The following PCDH7 variants were observed in gnomAD, a reference collection of about 807,000 sequenced individuals.
The protein encoded by PCDH7 is protocadherin-7.
A neutral mutation model predicts 58.9 loss-of-function variants in PCDH7; 17 were observed. The observed-to-expected ratio is 0.29, with a 90% CI of 0.20 to 0.43. The LOEUF (loss-of-function observed/expected upper bound fraction) is 0.43. Among genes scored for constraint, PCDH7 ranks in the 20% least tolerant of loss-of-function variants. The pLI is 1.00. For synonymous variants in PCDH7, 664 were observed against 616.4 expected (o/e 1.08, Z -1.14); for missense variants, 1,274 against 1,441.0 (o/e 0.88, Z 1.88).
intron 2 of PCDH7, among the ~76,000 whole-genome samples, chr4:30,936,173 A>G (rs1458782383): frequency 1.3e-5 from 2 of 152,044 alleles, no homozygotes; most frequent in Admixed American, 6.6e-5. Context: ...TAATTATTTT[A>G]TAGTATATTG....
At chr4:30,949,130 C>A (rs1747060558) in intron 2 of PCDH7, among the ~76,000 whole-genome samples, 1 of 152,158 alleles carries the variant, frequency 6.6e-6, no homozygotes, top group Admixed American at 6.6e-5. Context: ...AAGTCACACA[C>A]AGGAAAATTA....
intron 3 of PCDH7, among the ~76,000 whole-genome samples, chr4:31,071,429 T>C (rs1758533450): frequency 6.6e-6 from 1 of 152,056 alleles, no homozygotes; most frequent in South Asian, 2.1e-4. Context: ...TGTGTGCTTT[T>C]TTTGCAGGAG....
chr4:30,984,353 G>T (rs1388055027), intron 3 of PCDH7, among the ~76,000 whole-genome samples: 2 of 152,114 alleles, frequency 1.3e-5, no homozygotes, highest in Non-Finnish European at 2.9e-5. Flanking sequence ...GTGTTTGTTC[G>T]ACGCTTATTG....
At chr4:30,986,201 T>A (rs1750951356) in intron 3 of PCDH7, among the ~76,000 whole-genome samples, 1 of 152,192 alleles carries the variant, frequency 6.6e-6, no homozygotes, top group Non-Finnish European at 1.5e-5. Flanking sequence ...GTCTGAGACA[T>A]CTAACTTACA....
At chr4:31,085,703 G>A (rs1343516566) in intron 3 of PCDH7, among the ~76,000 whole-genome samples, 1 of 152,086 alleles carries the variant, frequency 6.6e-6, no homozygotes, top group Non-Finnish European at 1.5e-5. Flanking sequence ...ATCTCATGTA[G>A]GGTGTTTTCA....
At chr4:31,034,927 G>T (rs1208061431) in intron 3 of PCDH7, among the ~76,000 whole-genome samples, 1 of 152,200 alleles carries the variant, frequency 6.6e-6, no homozygotes, top group Non-Finnish European at 1.5e-5. Context: ...TGCATCCACA[G>T]GTTGGAAAAT....
chr4:30,748,540 T>C (rs1232433016), intron 1 of PCDH7, among the ~76,000 whole-genome samples: 1 of 152,176 alleles, frequency 6.6e-6, no homozygotes, highest in Non-Finnish European at 1.5e-5. Flanking sequence ...ACTCCTGAGA[T>C]AACTAATCCA....
chr4:30,776,589 C>A (rs2109284045), intron 1 of PCDH7, among the ~76,000 whole-genome samples: 1 of 152,266 alleles, frequency 6.6e-6, no homozygotes, highest in African/African-American at 2.4e-5. Flanking sequence ...TATGCATGTG[C>A]ACTCACTGAG....
At chr4:30,991,394 A>G (rs1220078067) in intron 3 of PCDH7, among the ~76,000 whole-genome samples, 1 of 152,232 alleles carries the variant, frequency 6.6e-6, no homozygotes, top group Non-Finnish European at 1.5e-5. Flanking sequence ...AGAGGGAGGA[A>G]AGAGGACAGA....
intron 1 of PCDH7, among the ~76,000 whole-genome samples, chr4:30,765,627 T>C (rs1720643181): frequency 6.6e-6 from 1 of 152,186 alleles, no homozygotes. Flanking sequence ...AAAATGGTAT[T>C]TTCTAGGCTT....
intron 3 of PCDH7, among the ~76,000 whole-genome samples, chr4:31,030,967 G>A (rs895617519): frequency 6.6e-6 from 1 of 152,088 alleles, no homozygotes; most frequent in Non-Finnish European, 1.5e-5. Flanking sequence ...AAGATACTGA[G>A]GCAGAAAATG....
At chr4:31,006,078 T>A (rs2109144443) in intron 3 of PCDH7, among the ~76,000 whole-genome samples, 1 of 152,284 alleles carries the variant, frequency 6.6e-6, no homozygotes, top group South Asian at 2.1e-4. Flanking sequence ...TCAATACAAA[T>A]AAAGGGCTAA....
chr4:30,903,615 T>A (rs1740512964), intron 1 of PCDH7, among the ~76,000 whole-genome samples: 1 of 152,108 alleles, frequency 6.6e-6, no homozygotes, highest in Non-Finnish European at 1.5e-5. Context: ...AATGGAAAGA[T>A]TATCCTTTAT....
At chr4:30,802,042 T>C (rs1481421650) in intron 1 of PCDH7, among the ~76,000 whole-genome samples, 1 of 152,136 alleles carries the variant, frequency 6.6e-6, no homozygotes, top group Non-Finnish European at 1.5e-5. Flanking sequence ...AGGGTGTCCT[T>C]ATCAAAAGAA....
chr4:30,915,837 C>T (rs1270681923), intron 1 of PCDH7, among the ~76,000 whole-genome samples: 1 of 151,916 alleles, frequency 6.6e-6, no homozygotes, highest in East Asian at 1.9e-4. Context: ...CCCTTTTTTT[C>T]AAATTGCTTG....
chr4:30,765,955 A>G (rs1044134095), intron 1 of PCDH7, among the ~76,000 whole-genome samples: 1 of 152,084 alleles, frequency 6.6e-6, no homozygotes, highest in Non-Finnish European at 1.5e-5. Context: ...CTGCATATTT[A>G]TAATTGGGAG....
At chr4:31,003,831 C>G (rs1014758045) in intron 3 of PCDH7, among the ~76,000 whole-genome samples, 2 of 151,270 alleles carry the variant, frequency 1.3e-5, no homozygotes, top group African/African-American at 2.4e-5. Flanking sequence ...CGGCATGAAC[C>G]CGAAAAAAAA....
intron 1 of PCDH7, among the ~76,000 whole-genome samples, chr4:30,889,122 G>A (rs1310906463): frequency 1.8e-5 from 2 of 113,984 alleles, no homozygotes; most frequent in Admixed American, 9.0e-5. Context: ...CAGAGGTTGT[G>A]GTGAGCAGAT....
chr4:31,089,613 G>A (rs1008719929), intron 3 of PCDH7, among the ~76,000 whole-genome samples: 2 of 152,004 alleles, frequency 1.3e-5, no homozygotes, highest in Non-Finnish European at 2.9e-5. Context: ...AATTCCCAGT[G>A]TAGAAATATT....
Sources: allele counts gnomAD v4.1 joint callset (sites outside exome capture counted in the v4.1 genomes callset), GRCh38; gene constraint gnomAD v4.1.1; transcripts MANE v1.5; gene names NCBI Gene and HGNC (gene_info 2026-07-23, HGNC 2026-07-21).